The following PTPRD variants were observed in gnomAD, a reference collection of about 807,000 sequenced individuals.
PTPRD encodes the protein receptor-type tyrosine-protein phosphatase delta.
A neutral mutation model predicts 214.5 loss-of-function variants in PTPRD; 34 were observed. The ratio of observed to expected loss-of-function variants is 0.16; its 90% CI spans 0.12 to 0.21. The LOEUF (loss-of-function observed/expected upper bound fraction) is 0.21, where lower values mean the gene tolerates loss of function less well. Among genes scored for constraint, PTPRD ranks in the 10% least tolerant of loss-of-function variants. The pLI, the probability that PTPRD is intolerant of heterozygous loss-of-function variation, is 1.00. For synonymous variants in PTPRD, 1,128 were observed against 845.7 expected (o/e 1.33, Z -5.79); for missense variants, 2,545 against 2,398.7 (o/e 1.06, Z -1.27).
chr9:9,363,143 G>T (rs1406108297), intron 9 of PTPRD, among the ~76,000 whole-genome samples: 1 of 142,448 alleles, frequency 7.0e-6, no homozygotes. Context: ...CTGTACTTGT[G>T]GTCACATTAG....
chr9:10,504,823 T>G (rs949832223), intron 2 of PTPRD, among the ~76,000 whole-genome samples: 2 of 152,192 alleles, frequency 1.3e-5, no homozygotes, highest in African/African-American at 2.4e-5. Flanking sequence ...CTACCCCACA[T>G]GCCTTCTCCC....
chr9:9,916,120 T>C (rs561092327), intron 5 of PTPRD, among the ~76,000 whole-genome samples: 2 of 150,810 alleles, frequency 1.3e-5, no homozygotes, highest in South Asian at 2.1e-4. Flanking sequence ...ACAAATACTA[T>C]ATTCAGCAAA....
At chr9:9,442,934 TGTTTA>T (rs2088757736) in intron 8 of PTPRD, among the ~76,000 whole-genome samples, 1 of 152,200 alleles carries the variant, frequency 6.6e-6, no homozygotes, top group Non-Finnish European at 1.5e-5. Flanking sequence ...GTAACATGTA[TGTTTA>T]CATATGTTTA....
intron 9 of PTPRD, among the ~76,000 whole-genome samples, chr9:9,211,239 A>G (rs1280931362): frequency 2.6e-5 from 4 of 152,134 alleles, no homozygotes; most frequent in Admixed American, 6.6e-5. Context: ...CTGAAGCTCA[A>G]TTGTGTTAAC....
chr9:9,314,286 T>C (rs536429484), intron 9 of PTPRD, among the ~76,000 whole-genome samples: 81 of 152,290 alleles, frequency 5.3e-4, no homozygotes, highest in African/African-American at 1.9e-3. Context: ...GGAACAAAAT[T>C]TGTATTCTGA....
At chr9:9,880,335 G>C (rs575879880) in intron 5 of PTPRD, among the ~76,000 whole-genome samples, 1 of 152,234 alleles carries the variant, frequency 6.6e-6, no homozygotes, top group East Asian at 1.9e-4. Context: ...AGCAGTGTGA[G>C]AATGGACTAA....
chr9:9,903,978 C>A (rs1392057360), intron 5 of PTPRD, among the ~76,000 whole-genome samples: 1 of 152,112 alleles, frequency 6.6e-6, no homozygotes, highest in African/African-American at 2.4e-5. Flanking sequence ...TATCTTGGGT[C>A]AAAGCCCCTG....
In PTPRD at chr9:10,042,376, A is replaced by G. The variant is rs141271531; in HGVS notation, c.-544-8586T>C. On this transcript the variant is annotated intron_variant, in intron 3 of 45. Coordinates refer to ENST00000381196, the MANE Select transcript of PTPRD (RefSeq NM_002839.4). ...ATTAAATGCAATCTATTAAAGCACC[A>G]TAGATTGCCAACTTACACAAAGGTA... Among the ~76,000 whole-genome samples, 451 of 152,076 alleles carry G rather than the reference A, an allele frequency of 3.0e-3. 1 individual carries two copies. The highest frequency in any genetic ancestry group is 0.01 in the African/African-American group (423 of 41,566).
intron 8 of PTPRD, among the ~76,000 whole-genome samples, chr9:9,472,272 C>T (rs1405056972): frequency 1.4e-5 from 2 of 146,292 alleles, no homozygotes; most frequent in African/African-American, 5.1e-5. Context: ...GGCGCAATCT[C>T]GGCTCACTGC....
intron 14 of PTPRD, among the ~76,000 whole-genome samples, chr9:8,615,845 T>C (rs867966782): frequency 3.3e-5 from 5 of 152,244 alleles, no homozygotes; most frequent in African/African-American, 7.2e-5. Flanking sequence ...AAGAGATTTG[T>C]CCATATATTT....
intron 3 of PTPRD, among the ~76,000 whole-genome samples, chr9:10,118,115 G>A (rs1591607201): frequency 6.6e-6 from 1 of 151,918 alleles, no homozygotes; most frequent in East Asian, 1.9e-4. Flanking sequence ...ATCTACCTGT[G>A]AGGTTTGCAA....
intron 3 of PTPRD, among the ~76,000 whole-genome samples, chr9:10,297,597 T>C (rs2095719281): frequency 6.6e-6 from 1 of 150,674 alleles, no homozygotes; most frequent in East Asian, 2.0e-4. Context: ...TTTTTTTCCC[T>C]AAAAATATGC....
chr9:8,502,186 C>T (rs1003486665), intron 23 of PTPRD, among the ~76,000 whole-genome samples: 1 of 152,020 alleles, frequency 6.6e-6, no homozygotes, highest in Non-Finnish European at 1.5e-5. Context: ...CAATAAAAGA[C>T]AGCACAATTA....
intron 6 of PTPRD, among the ~76,000 whole-genome samples, chr9:9,743,067 T>C (rs895401694): frequency 6.6e-6 from 1 of 152,212 alleles, no homozygotes; most frequent in Non-Finnish European, 1.5e-5. Flanking sequence ...CTTTCAGTTA[T>C]GCTTTTTGGG....
intron 3 of PTPRD, among the ~76,000 whole-genome samples, chr9:10,090,919 T>TACAC (rs1162698970): frequency 0.021 from 2,137 of 99,524 alleles, 35 homozygotes; most frequent in Middle Eastern, 0.058. Context: ...AAATGAAATA[T>TACAC]ACACACACAC....
chr9:8,470,964 T>C (rs1199774889), intron 31 of PTPRD, 31 bp downstream of exon 31: 1 of 1,579,750 alleles, frequency 6.3e-7, no homozygotes, highest in East Asian at 2.2e-5. Context: ...AAATAACGAA[T>C]AAAAGACATG....
intron 4 of PTPRD, among the ~76,000 whole-genome samples, chr9:9,989,362 A>C (rs1369870230): frequency 6.6e-6 from 1 of 152,008 alleles, no homozygotes; most frequent in African/African-American, 2.4e-5. Flanking sequence ...ACCCATAAAA[A>C]CCCCAAGCTC....
At chr9:9,436,747 G>T (rs1233805447) in intron 8 of PTPRD, among the ~76,000 whole-genome samples, 1 of 152,006 alleles carries the variant, frequency 6.6e-6, no homozygotes, top group African/African-American at 2.4e-5. Context: ...AATTAGCAGT[G>T]TCATTAATTT....
In PTPRD at chr9:9,934,630, T is replaced by C. The variant is rs1010489353; in HGVS notation, c.-368+3877A>G. Among the ~76,000 whole-genome samples, 6 of 150,822 alleles carry C rather than the reference T, an allele frequency of 4.0e-5. No individual in the cohort carries two copies. In the East Asian group the frequency reaches 5.8e-4, roughly 15 times the overall value. On this transcript the variant is annotated intron_variant, in intron 5 of 45. Transcript: ENST00000381196. ...GTCCAGGACCAGATGGATTCACAGCTGAATTCTCGCAGAGGTACAAGGAGG... is the reference window on the plus strand; with the variant it reads ...GTCCAGGACCAGATGGATTCACAGCCGAATTCTCGCAGAGGTACAAGGAGG...
Sources: gnomAD v4.1 joint callset for allele counts (sites outside exome capture counted in the v4.1 genomes callset) on GRCh38, gnomAD v4.1.1 for gene constraint, MANE v1.5 for transcripts, NCBI Gene and HGNC (gene_info 2026-07-23, HGNC 2026-07-21) for gene names.